The following VTI1A variants were observed in gnomAD, a reference collection of about 807,000 sequenced individuals.
VTI1A encodes the protein vesicle transport through interaction with t-SNAREs homolog 1A.
Under a neutral mutation model 34.9 loss-of-function variants are expected in VTI1A, and 22 were observed. The ratio of observed to expected loss-of-function variants is 0.63; its 90% CI spans 0.45 to 0.90. The LOEUF (loss-of-function observed/expected upper bound fraction) is 0.90, where lower values mean the gene tolerates loss of function less well. Ranked by LOEUF, VTI1A falls within the 40% of genes least tolerant of loss-of-function variation. VTI1A has a pLI of 0.00. For missense variants in VTI1A, 268 were observed against 275.6 expected (o/e 0.97, Z 0.20); for synonymous variants, 87 against 97.3 (o/e 0.89, Z 0.62).
At chr10:112,571,158 A>G (rs1852101872) in intron 5 of VTI1A, among the ~76,000 whole-genome samples, 1 of 152,240 alleles carries the variant, frequency 6.6e-6, no homozygotes, top group Non-Finnish European at 1.5e-5. Flanking sequence ...GACTTATTCA[A>G]AATGCCATAC....
At chr10:112,617,743 A>T (rs10082351) in intron 5 of VTI1A, among the ~76,000 whole-genome samples, 20,843 of 152,186 alleles carry the variant, frequency 0.14, 1,818 homozygotes, top group African/African-American at 0.24. Flanking sequence ...AAGACTAAAA[A>T]CAAAAAACTT....
At chr10:112,827,912 G>A in the VTI1A span, among the ~76,000 whole-genome samples, 2 of 151,528 alleles carry the variant, frequency 1.3e-5, no homozygotes, top group South Asian at 4.1e-4. Flanking sequence ...TTTGAATGCA[G>A]GTTTTTATTT....
At position 112,529,540 on chromosome 10, in the gene VTI1A, A is replaced by G. The variant is rs557487160; in HGVS notation, c.342+2376A>G. Among the ~76,000 whole-genome samples the G allele has an allele frequency of 2.0e-5, 3 of 152,236 alleles. No homozygotes were observed. In the East Asian group the frequency reaches 5.8e-4, roughly 29 times the overall value. ...CAGTAGCTAGGAAGAGTTTTTTTCTAGGTAGGGCTGCTTATAATTTATATA... is the reference window on the plus strand; with the variant it reads ...CAGTAGCTAGGAAGAGTTTTTTTCTGGGTAGGGCTGCTTATAATTTATATA... On this transcript the variant is annotated intron_variant, in intron 4 of 7. Coordinates refer to ENST00000393077, the MANE Select transcript of VTI1A (RefSeq NM_145206.4).
intron 5 of VTI1A, among the ~76,000 whole-genome samples, chr10:112,579,478 G>A (rs541648586): frequency 6.6e-6 from 1 of 152,246 alleles, no homozygotes; most frequent in East Asian, 1.9e-4. Flanking sequence ...GAGGTGGGAG[G>A]ATGGCTTGAG....
chr10:112,758,544 C>T (rs1043636463), intron 7 of VTI1A, among the ~76,000 whole-genome samples: 15 of 152,188 alleles, frequency 9.9e-5, no homozygotes, highest in African/African-American at 2.9e-4. Flanking sequence ...ATCCAAGACC[C>T]AATGCTGCAA....
intron 5 of VTI1A, among the ~76,000 whole-genome samples, chr10:112,626,374 G>T (rs898601292): frequency 6.7e-6 from 1 of 148,898 alleles, no homozygotes; most frequent in Non-Finnish European, 1.5e-5. Context: ...TTGAAAACAA[G>T]ATTTTTTTCT....
chr10:112,723,929 T>C (rs569806725), intron 7 of VTI1A, among the ~76,000 whole-genome samples: 61 of 152,344 alleles, frequency 4.0e-4, no homozygotes, highest in Middle Eastern at 3.4e-3. Flanking sequence ...CTAACTGCAA[T>C]TGTGGACACT....
chr10:112,714,888 T>G (rs1245159076), intron 7 of VTI1A, among the ~76,000 whole-genome samples: 2 of 152,210 alleles, frequency 1.3e-5, no homozygotes, highest in African/African-American at 2.4e-5. Flanking sequence ...GAGCCAACCT[T>G]TTCAATCTTC....
At chr10:112,721,634 A>G (rs1265376605) in intron 7 of VTI1A, among the ~76,000 whole-genome samples, 2 of 152,162 alleles carry the variant, frequency 1.3e-5, no homozygotes, top group African/African-American at 4.8e-5. Flanking sequence ...CTTGGCTCCC[A>G]TGTAGTCCTG....
At chr10:112,466,952 C>G (rs935529742) in intron 3 of VTI1A, among the ~76,000 whole-genome samples, 1 of 152,126 alleles carries the variant, frequency 6.6e-6, no homozygotes, top group Non-Finnish European at 1.5e-5. Context: ...TTCCATGTCC[C>G]TATTTCCTCA....
intron 5 of VTI1A, among the ~76,000 whole-genome samples, chr10:112,611,855 C>T (rs1845327922): frequency 6.6e-6 from 1 of 150,422 alleles, no homozygotes; most frequent in Non-Finnish European, 1.5e-5. Flanking sequence ...CATTGTCCTA[C>T]CTCAGCCTCC....
intron 7 of VTI1A, among the ~76,000 whole-genome samples, chr10:112,706,591 G>A (rs76603971): frequency 1.3e-3 from 204 of 152,288 alleles, no homozygotes; most frequent in African/African-American, 4.8e-3. Context: ...TTACCTGCAC[G>A]CATATTGGTC....
intron 7 of VTI1A, among the ~76,000 whole-genome samples, chr10:112,710,361 C>T (rs1849371042): frequency 6.6e-6 from 1 of 151,978 alleles, no homozygotes; most frequent in Non-Finnish European, 1.5e-5. Context: ...GCGTGCACCA[C>T]CACGCTGCCT....
intron 5 of VTI1A, among the ~76,000 whole-genome samples, chr10:112,636,275 A>G (rs563137097): frequency 6.6e-6 from 1 of 152,348 alleles, no homozygotes; most frequent in African/African-American, 2.4e-5. Context: ...ATCAACTCAC[A>G]TAGTTGACAT....
At chr10:112,583,966 T>C (rs141233163) in intron 5 of VTI1A, among the ~76,000 whole-genome samples, 60 of 152,332 alleles carry the variant, frequency 3.9e-4, no homozygotes, top group African/African-American at 1.4e-3. Context: ...CAAAGTTGCC[T>C]TGTCATATGG....
intron 5 of VTI1A, chr10:112,548,823 C>CTT: frequency 6.7e-7 from 1 of 1,495,898 alleles, no homozygotes; most frequent in East Asian, 2.5e-5. Flanking sequence ...CATCACCAGA[C>CTT]TTTAAGAATT....
At chr10:112,557,617 A>G (rs1851582164) in intron 5 of VTI1A, among the ~76,000 whole-genome samples, 1 of 152,234 alleles carries the variant, frequency 6.6e-6, no homozygotes, top group South Asian at 2.1e-4. Context: ...AATAATTTTA[A>G]GGACCATTTA....
chr10:112,520,839 A>G (rs1293394158), intron 3 of VTI1A, among the ~76,000 whole-genome samples: 1 of 151,966 alleles, frequency 6.6e-6, no homozygotes, highest in Non-Finnish European at 1.5e-5. Context: ...AAAAATAATA[A>G]ATGAGAGTGA....
At chr10:112,484,449 A>G (rs2134106043) in intron 3 of VTI1A, among the ~76,000 whole-genome samples, 1 of 152,268 alleles carries the variant, frequency 6.6e-6, no homozygotes, top group Non-Finnish European at 1.5e-5. Context: ...CATGTCTACG[A>G]TTTCATAACC....
Sources: allele counts gnomAD v4.1 joint callset (sites outside exome capture counted in the v4.1 genomes callset), GRCh38; gene constraint gnomAD v4.1.1; transcripts MANE v1.5; gene names NCBI Gene and HGNC (gene_info 2026-07-23, HGNC 2026-07-21).